The following SAMD3 variants were observed in gnomAD, a reference collection of about 807,000 sequenced individuals.
SAMD3 encodes sterile alpha motif domain containing 3.
Under a neutral mutation model 58.5 loss-of-function variants are expected in SAMD3, and 63 were observed. The observed-to-expected ratio is 1.08, with a 90% confidence interval of 0.88 to 1.33. The LOEUF is 1.33. Ranked by LOEUF, SAMD3 falls within the 40% of genes most tolerant of loss-of-function variation. SAMD3 has a pLI of 0.00. For missense variants in SAMD3, 604 were observed against 608.4 expected (o/e 0.99, Z 0.08); for synonymous variants, 220 against 210.3 (o/e 1.05, Z -0.40).
At chr6:130,312,744 C>A (rs1397694666) in intron 2 of SAMD3, among the ~76,000 whole-genome samples, 5 of 151,976 alleles carry the variant, frequency 3.3e-5, no homozygotes, top group African/African-American at 1.2e-4. Flanking sequence ...TGAAACCTAC[C>A]TTATCTTGTT....
chr6:130,280,356 C>A (rs1358259546), intron 2 of SAMD3, among the ~76,000 whole-genome samples: 1 of 152,190 alleles, frequency 6.6e-6, no homozygotes, highest in Admixed American at 6.5e-5. Flanking sequence ...ACCCTTCTCA[C>A]CATTCCCAAA....
At chr6:130,225,773 A>C (rs1452343645), upstream of SAMD3, among the ~76,000 whole-genome samples, 1 of 152,242 alleles carries the variant, frequency 6.6e-6, no homozygotes, top group Non-Finnish European at 1.5e-5. Flanking sequence ...AAGATATGAG[A>C]AAATTCAGTA....
chr6:130,320,081 T>C (rs1456596168), intron 1 of SAMD3, among the ~76,000 whole-genome samples: 1 of 151,650 alleles, frequency 6.6e-6, no homozygotes, highest in Non-Finnish European at 1.5e-5. Context: ...ATTCAATCCA[T>C]CCAAAAGAAG....
chr6:130,184,508 C>T lies in SAMD3; in HGVS notation c.499G>A (p.Asp167Asn). The change falls in exon 6 of 12, where the codon GAT (aspartate) becomes AAT (asparagine). Residue 167 changes from aspartate (D) to asparagine (N), a missense_variant. Physicochemically the swap from Asp to Asn is conservative, Grantham distance 23 (BLOSUM62 1). Coordinates refer to ENST00000439090, the MANE Select transcript of SAMD3 (RefSeq NM_001017373.4). ...KCMLAEQKCPDHSMRIRIIEF... is the reference protein window; with the variant it reads ...KCMLAEQKCPNHSMRIRIIEF... ...ATGATCCTTATCCTCATGCTGTGAT[C>T]CGGGCACTTCTGCTCTGCTAACATG... is the stretch of plus-strand genomic sequence containing the variant. The T allele has an allele frequency of 3.1e-6, 5 of 1,614,166 alleles. No homozygotes were observed. The highest frequency in any genetic ancestry group is 3.4e-6 in the Non-Finnish European group (4 of 1,180,002).
intron 2 of SAMD3, among the ~76,000 whole-genome samples, chr6:130,269,536 A>G (rs1774483518): frequency 6.6e-6 from 1 of 152,134 alleles, no homozygotes; most frequent in Admixed American, 6.5e-5. Context: ...TATCCCTTTA[A>G]TGGCTAAAGG....
intron 2 of SAMD3, among the ~76,000 whole-genome samples, chr6:130,288,972 T>C (rs1775270577): frequency 6.6e-6 from 1 of 152,250 alleles, no homozygotes; most frequent in Non-Finnish European, 1.5e-5. Flanking sequence ...TTAACTTCTA[T>C]GCGCCCTTCT....
At chr6:130,325,520 TAA>T (rs1776728685) in intron 1 of SAMD3, among the ~76,000 whole-genome samples, 1 of 152,200 alleles carries the variant, frequency 6.6e-6, no homozygotes, top group South Asian at 2.1e-4. Flanking sequence ...CTCAGTCTAC[TAA>T]TTCAAATGTT....
chr6:130,163,650 C>T (rs1790465110), intron 8 of SAMD3, among the ~76,000 whole-genome samples: 1 of 152,156 alleles, frequency 6.6e-6, no homozygotes, highest in African/African-American at 2.4e-5. Flanking sequence ...TCAACTTTTG[C>T]TGTCTTGTTC....
At chr6:130,187,163 A>T (rs1323395196) in intron 5 of SAMD3, among the ~76,000 whole-genome samples, 1 of 152,132 alleles carries the variant, frequency 6.6e-6, no homozygotes, top group East Asian at 1.9e-4. Context: ...AGTGATTTTC[A>T]AGTAGCTAAA....
chr6:130,245,636 C>A (rs1427000502), intron 2 of SAMD3, among the ~76,000 whole-genome samples: 2 of 152,198 alleles, frequency 1.3e-5, no homozygotes, highest in African/African-American at 4.8e-5. Flanking sequence ...TGAGGCCCCC[C>A]AATAAGCTTA....
chr6:130,230,098 T>C (rs1172897396), intron 2 of SAMD3, among the ~76,000 whole-genome samples: 1 of 152,216 alleles, frequency 6.6e-6, no homozygotes, highest in Non-Finnish European at 1.5e-5. Context: ...GATGATAAAA[T>C]GGTTAAAGAA....
exon 1 of SAMD3, chr6:130,365,356 A>C (rs1778107622): frequency 2.0e-6 from 2 of 985,278 alleles, no homozygotes; most frequent in East Asian, 1.1e-4. Context: ...CGCCCCCCCA[A>C]GCCGTTCTCC....
chr6:130,145,419 A>G lies in SAMD3; in HGVS notation c.1199T>C (p.Met400Thr), dbSNP rs770870295. 6.2e-7 allele frequency: 1 copy of G among 1,608,208 alleles called. No individual in the cohort carries two copies. Among genetic ancestry groups the G allele is most frequent in the Non-Finnish European group, 8.5e-7 (1 of 1,175,604 alleles). ...GAGTAAACATGTGGCTGTCATCTTC[A>G]TGTCTGTCAAAGCAAATATGTTAAC... ...HYTDEDMLKYMKMTATCLLLP... is the reference protein window; with the variant it reads ...HYTDEDMLKYTKMTATCLLLP... The change falls in exon 11 of 12, where the codon ATG (methionine) becomes ACG (threonine). Residue 400 changes from methionine to threonine, a missense_variant. Met to Thr is a moderately conservative substitution (Grantham distance 81). Transcript: ENST00000439090.
intron 8 of SAMD3, chr6:130,162,364 A>G: frequency 1.5e-6 from 1 of 680,544 alleles, no homozygotes; most frequent in South Asian, 1.6e-5. Flanking sequence ...CGGCATGGTT[A>G]AAAATGTAGT....
intron 5 of SAMD3, among the ~76,000 whole-genome samples, chr6:130,208,227 G>A (rs1032002310): frequency 6.6e-5 from 10 of 152,232 alleles, no homozygotes; most frequent in Non-Finnish European, 1.3e-4. Context: ...ATTATTCTTT[G>A]TGTGCAAGGT....
chr6:130,327,823 A>G (rs570653643), intron 1 of SAMD3, among the ~76,000 whole-genome samples: 13 of 152,374 alleles, frequency 8.5e-5, no homozygotes, highest in African/African-American at 2.9e-4. Flanking sequence ...AGTGACTACA[A>G]TACCCATATT....
intron 2 of SAMD3, among the ~76,000 whole-genome samples, chr6:130,247,965 T>C (rs1298337415): frequency 3.3e-5 from 5 of 152,218 alleles, no homozygotes; most frequent in African/African-American, 1.2e-4. Flanking sequence ...TTATATCATT[T>C]GGTTCATAAG....
chr6:130,191,615 G>T (rs1425089594), intron 5 of SAMD3, among the ~76,000 whole-genome samples: 1 of 141,574 alleles, frequency 7.1e-6, no homozygotes, highest in Non-Finnish European at 1.5e-5. Flanking sequence ...TAAAACTGTT[G>T]CTTCCTTCCT....
intron 7 of SAMD3, among the ~76,000 whole-genome samples, chr6:130,179,810 CTTTTT>C (rs71028199): frequency 8.6e-6 from 1 of 116,246 alleles, no homozygotes. Flanking sequence ...TGTCCTTATT[CTTTTT>C]TTTTTTTTTT....
Sources: allele counts gnomAD v4.1 joint callset (sites outside exome capture counted in the v4.1 genomes callset), GRCh38; gene constraint gnomAD v4.1.1; transcripts MANE v1.5; gene names NCBI Gene and HGNC (gene_info 2026-07-23, HGNC 2026-07-21).